HMCN1: variants seen among roughly 807,000 people sequenced by gnomAD.
HMCN1 encodes the protein hemicentin-1.
A neutral mutation model predicts 625.9 loss-of-function variants in HMCN1; 321 were observed. That is an observed-to-expected ratio of 0.51 (90% CI 0.47 to 0.56). The LOEUF is 0.56. Ranked by LOEUF, HMCN1 falls within the 20% of genes least tolerant of loss-of-function variation. The pLI is 0.00. For synonymous variants in HMCN1, 2,425 were observed against 2,417.6 expected (o/e 1.00, Z -0.09); for missense variants, 6,588 against 6,887.3 (o/e 0.96, Z 1.54).
chr1:186,074,939 A>G, intron 53 of HMCN1, 48 bp downstream of exon 53: 1 of 1,441,954 alleles, frequency 6.9e-7, no homozygotes, highest in East Asian at 2.3e-5. Flanking sequence ...ATGATCTTTC[A>G]AAGTAAAAGA....
chr1:185,818,893 T>G (rs568365471), intron 1 of HMCN1, among the ~76,000 whole-genome samples: 1 of 152,098 alleles, frequency 6.6e-6, no homozygotes, highest in Admixed American at 6.5e-5. Flanking sequence ...TGAACATAAA[T>G]AGTTTAAGCA....
In HMCN1 at chr1:185,985,385, G is replaced by T. The variant is rs939564187; in HGVS notation, c.2935+1072G>T. On this transcript the variant is annotated intron_variant, in intron 19 of 106. Transcript: ENST00000271588. The stretch of plus-strand genomic sequence containing the variant: ...GCTTATAGACTAGTTTAAGAATCTA[G>T]TGTGGGAGTGCCCTCATGTTATCTC... Among the ~76,000 whole-genome samples, 9 of 152,248 alleles carry T rather than the reference G, an allele frequency of 5.9e-5. No homozygotes were observed. In the South Asian group the frequency reaches 1.9e-3, roughly 32 times the overall value.
At chr1:185,915,260 C>G (rs1174688874) in intron 6 of HMCN1, among the ~76,000 whole-genome samples, 4 of 152,038 alleles carry the variant, frequency 2.6e-5, no homozygotes, top group African/African-American at 9.7e-5. Context: ...GTTTTATGCT[C>G]CTAAATTTCC....
intron 83 of HMCN1, among the ~76,000 whole-genome samples, chr1:186,129,656 C>CA (rs112552066): frequency 6.6e-6 from 1 of 151,484 alleles, no homozygotes; most frequent in Non-Finnish European, 1.5e-5. Context: ...TTTTGAAACT[C>CA]AGACTACGAG....
Position 186,128,309 on chromosome 1 carries a change from C to A in HMCN1, c.12904+18C>A. The A allele has an allele frequency of 1.9e-6, 3 of 1,588,096 alleles. No individual in the cohort carries two copies. In the South Asian group the frequency reaches 3.3e-5, roughly 18 times the overall value. ...TATTCCAGGTTGGTCATTTAATTCT[C>A]AAGAAGTGAATAAATACACCTATGT... On this transcript the variant is annotated intron_variant, in intron 83 of 106. Transcript: ENST00000271588.
Position 185,891,199 on chromosome 1 carries a change from G to A in HMCN1, c.622-18138G>A, listed in dbSNP as rs550776040. On this transcript the variant is annotated intron_variant, in intron 4 of 106. Coordinates refer to ENST00000271588, the MANE Select transcript of HMCN1 (RefSeq NM_031935.3). ...CTCCATCCTTTTATTTTGAGCCTATGTGTGTCTCAGCACGTGAGATGGGTT... is the reference window on the plus strand; with the variant it reads ...CTCCATCCTTTTATTTTGAGCCTATATGTGTCTCAGCACGTGAGATGGGTT... Among the ~76,000 whole-genome samples the A allele has an allele frequency of 4.0e-4, 55 of 136,066 alleles. 1 individual carries two copies. Among genetic ancestry groups the A allele is most frequent in the Admixed American group, 2.6e-3 (36 of 14,032 alleles). The allele number at this position is 136,066 out of a possible 152,430, so 89.3% of individuals were successfully genotyped here. A position where few individuals can be genotyped will look rare whatever the true frequency, so the allele number is the denominator to read the frequency against.
chr1:185,878,853 A>C (rs12239922), intron 4 of HMCN1, among the ~76,000 whole-genome samples: 10,965 of 152,240 alleles, frequency 0.072, 1,359 homozygotes, highest in African/African-American at 0.25. Flanking sequence ...ATGATGTCCA[A>C]GTCTTCAGCC....
intron 11 of HMCN1, among the ~76,000 whole-genome samples, chr1:185,945,800 G>C (rs1276799401): frequency 6.6e-6 from 1 of 152,192 alleles, no homozygotes; most frequent in African/African-American, 2.4e-5. Context: ...GGAGGACCCA[G>C]CAGAACAGTG....
intron 6 of HMCN1, among the ~76,000 whole-genome samples, 168 bp from the exon 7 acceptor site, chr1:185,922,211 G>A (rs1387946066): frequency 6.6e-6 from 1 of 151,972 alleles, no homozygotes; most frequent in Non-Finnish European, 1.5e-5. Flanking sequence ...TACGAAACTT[G>A]CATTTAAAAT....
At chr1:186,017,657 C>T (rs1654450699) in intron 33 of HMCN1, among the ~76,000 whole-genome samples, 1 of 151,876 alleles carries the variant, frequency 6.6e-6, no homozygotes. Flanking sequence ...AAATATAATG[C>T]TATATGATTT....
At chr1:185,741,261 T>C (rs1160293652) in intron 1 of HMCN1, among the ~76,000 whole-genome samples, 1 of 152,142 alleles carries the variant, frequency 6.6e-6, no homozygotes, top group African/African-American at 2.4e-5. Flanking sequence ...ATAGCTACAC[T>C]GAATGGACTA....
In HMCN1 at chr1:186,081,301, C is replaced by T; in HGVS notation, c.8694C>T (p.Gly2898=). 3 of 1,613,312 alleles carry T rather than the reference C, an allele frequency of 1.9e-6. No homozygotes were observed. The highest frequency in any genetic ancestry group is 1.7e-6 in the Non-Finnish European group (2 of 1,179,342). ...CACTGATAGAGTGTTTATCCAGTGG[C>T]AGCCCAGCACCAAGGAATTCCTGGC... ...KSALIECLSS[G]SPAPRNSWQK... The change falls in exon 56 of 107, where the codon GGC becomes GGT. Residue 2898 remains glycine, a synonymous_variant. Transcript: ENST00000271588.
intron 104 of HMCN1, among the ~76,000 whole-genome samples, chr1:186,181,898 T>C (rs1480751497): frequency 2.0e-5 from 3 of 152,164 alleles, no homozygotes; most frequent in African/African-American, 7.2e-5. Flanking sequence ...ATATAAAAAT[T>C]GACCCGTTTG....
At chr1:186,050,281 C>T (rs1482636226) in intron 42 of HMCN1, among the ~76,000 whole-genome samples, 4 of 151,750 alleles carry the variant, frequency 2.6e-5, no homozygotes, top group African/African-American at 9.7e-5. Flanking sequence ...TGAAGCTGTC[C>T]TCCCTGCAAC....
At chr1:185,965,360 G>A (rs1650332462) in intron 13 of HMCN1, among the ~76,000 whole-genome samples, 1 of 152,108 alleles carries the variant, frequency 6.6e-6, no homozygotes, top group East Asian at 1.9e-4. Flanking sequence ...ATCTACGGTT[G>A]TATCATCCTC....
At chr1:186,020,596 C>T (rs55768766) in intron 35 of HMCN1, among the ~76,000 whole-genome samples, 3,753 of 151,906 alleles carry the variant, frequency 0.025, 152 homozygotes, top group African/African-American at 0.085. Context: ...GATTGCAAAC[C>T]GTAATGAATG....
chr1:186,122,944 A>C lies in HMCN1; in HGVS notation c.12230-7A>C, dbSNP rs2057388. Reference sequence around the variant, plus strand: ...AGTTTGAACTTTATATTTTTTGTATATTTTAGTTCCTCCAGTCATTAGCCC... The same window carrying C: ...AGTTTGAACTTTATATTTTTTGTATCTTTTAGTTCCTCCAGTCATTAGCCC... On this transcript the variant is annotated splice_region_variant and splice_polypyrimidine_tract_variant and intron_variant, in intron 80 of 106. Coordinates refer to ENST00000271588, the MANE Select transcript of HMCN1 (RefSeq NM_031935.3). 657,127 of 1,612,260 alleles carry C rather than the reference A, an allele frequency of 0.41. 145,142 individuals carry two copies. The highest frequency in any genetic ancestry group is 0.82 in the African/African-American group (61,273 of 74,934).
intron 37 of HMCN1, among the ~76,000 whole-genome samples, 166 bp downstream of exon 37, chr1:186,038,201 T>C (rs1467398381): frequency 6.6e-6 from 1 of 152,216 alleles, no homozygotes; most frequent in Non-Finnish European, 1.5e-5. Context: ...TTTTGAATTT[T>C]TGTTGCCTTT....
Position 185,933,531 on chromosome 1 carries a change from T to G in HMCN1, c.1553-18T>G. On this transcript the variant is annotated intron_variant, in intron 10 of 106. Transcript: ENST00000271588. The stretch of plus-strand genomic sequence containing the variant: ...TGGCTTTTAGGTCTCTTGATTTGAA[T>G]TTTTTGATTTCACACAGAGCCCCCT... 2 of 1,613,558 alleles carry G rather than the reference T, an allele frequency of 1.2e-6. No homozygotes were observed. Among genetic ancestry groups the G allele is most frequent in the Non-Finnish European group, 1.7e-6 (2 of 1,179,660 alleles).
Sources: allele counts gnomAD v4.1 joint callset (sites outside exome capture counted in the v4.1 genomes callset), GRCh38; gene constraint gnomAD v4.1.1; transcripts MANE v1.5; gene names NCBI Gene and HGNC (gene_info 2026-07-23, HGNC 2026-07-21).